The following RASSF6 variants were observed in gnomAD, a reference collection of about 807,000 sequenced individuals.
The protein encoded by RASSF6 is Ras association domain family member 6, also known as ras association domain-containing protein 6.
A neutral mutation model predicts 44.0 loss-of-function variants in RASSF6; 52 were observed. The ratio of observed to expected loss-of-function variants is 1.18; its 90% CI spans 0.95 to 1.49. RASSF6 has a LOEUF of 1.49. Ranked by LOEUF, RASSF6 falls within the 40% of genes most tolerant of loss-of-function variation. The pLI, the probability that RASSF6 is intolerant of heterozygous loss-of-function variation, is 0.00. For synonymous variants in RASSF6, 162 were observed against 124.6 expected, an observed-to-expected ratio of 1.30 and a Z score of -2.00; for missense variants, 464 against 393.3, an observed-to-expected ratio of 1.18 and a Z score of -1.52.
intron 2 of RASSF6, among the ~76,000 whole-genome samples, chr4:73,600,253 T>C (rs561855929): frequency 2.0e-5 from 3 of 152,194 alleles, no homozygotes; most frequent in Admixed American, 2.0e-4. Flanking sequence ...TTGTTCACAC[T>C]GTATCCTGTG....
chr4:73,618,550 T>C (rs1436776488), intron 1 of RASSF6, among the ~76,000 whole-genome samples: 3 of 152,174 alleles, frequency 2.0e-5, no homozygotes, highest in African/African-American at 4.8e-5. Flanking sequence ...CTTTAATGAA[T>C]ATTGGAACCC....
intron 1 of RASSF6, 69 bp downstream of exon 1, chr4:73,620,219 A>C: frequency 9.6e-7 from 1 of 1,042,980 alleles, no homozygotes; most frequent in African/African-American, 1.7e-5. Context: ...TCTGCTTTCT[A>C]ATAACTTGCC....
chr4:73,581,863 T>G lies in RASSF6; in HGVS notation c.675A>C (p.Glu225Asp). 1 of 1,610,144 alleles carries G rather than the reference T, an allele frequency of 6.2e-7. No individual in the cohort carries two copies. Among genetic ancestry groups the G allele is most frequent in the Non-Finnish European group, 8.5e-7 (1 of 1,176,892 alleles). The change falls in exon 8 of 11, where the codon GAA (glutamate) becomes GAC (aspartate). Residue 225 changes from glutamate to aspartate, a missense_variant. Physicochemically the swap from Glu to Asp is conservative, Grantham distance 45. Coordinates refer to ENST00000307439, the MANE Select transcript of RASSF6 (RefSeq NM_177532.5). The part of the protein sequence containing the change: ...IKQLLQKFKI[E>D]NSPQDFALHI... ...GAAGAGCAAAATCCTGGGGACTATTTTCAATCTGTCAAGGGAAAAAATGAA... is the reference window on the plus strand; with the variant it reads ...GAAGAGCAAAATCCTGGGGACTATTGTCAATCTGTCAAGGGAAAAAATGAA...
chr4:73,618,377 T>C (rs1246425475), intron 1 of RASSF6, among the ~76,000 whole-genome samples: 1 of 151,654 alleles, frequency 6.6e-6, no homozygotes, highest in African/African-American at 2.4e-5. Context: ...TAGATTAATC[T>C]CAAATCAATT....
intron 3 of RASSF6, among the ~76,000 whole-genome samples, chr4:73,597,773 A>G (rs757715001): frequency 4.6e-5 from 7 of 152,222 alleles, no homozygotes; most frequent in Non-Finnish European, 1.0e-4. Context: ...CATGTACACC[A>G]TGGAATACTA....
At chr4:73,581,184 G>A (rs1156663117) in intron 8 of RASSF6, among the ~76,000 whole-genome samples, 1 of 152,060 alleles carries the variant, frequency 6.6e-6, no homozygotes, top group Admixed American at 6.6e-5. Flanking sequence ...TATAGCATGA[G>A]TTTTTTCTAC....
rs1462902406 is a variant in RASSF6, at chr4:73,585,367, G to A, written c.383-3C>T. 2 of 1,569,358 alleles carry A rather than the reference G, an allele frequency of 1.3e-6. No individual in the cohort carries two copies. The highest frequency in any genetic ancestry group is 8.6e-7 in the Non-Finnish European group (1 of 1,160,330). On this transcript the variant is annotated splice_region_variant and splice_polypyrimidine_tract_variant and intron_variant, in intron 5 of 10. Coordinates refer to ENST00000307439, the MANE Select transcript of RASSF6 (RefSeq NM_177532.5). ...GTTGCTGTGATAAGATAAATAGTCT[G>A]GGAAGAATAGATTATAAGCTCATAT...
rs1410013949 is a variant in RASSF6 at position 73,575,497 on chromosome 4, T to C, written c.*738A>G. The C allele has an allele frequency of 6.6e-6, 1 of 152,176 alleles. No individual in the cohort carries two copies. The highest frequency in any genetic ancestry group is 1.5e-5 in the Non-Finnish European group (1 of 68,020). The allele number at this position is 152,176 out of a possible 1,614,324, so 9.4% of individuals were successfully genotyped here. A position where few individuals can be genotyped will look rare whatever the true frequency, so the allele number is the denominator to read the frequency against. ...TACTTTAGCCGATGTAATATGTCTA[T>C]GTGATATAAACATTTTTTTGAAAAA... On this transcript the variant is annotated 3_prime_UTR_variant, in exon 11 of 11. Coordinates refer to ENST00000307439, the MANE Select transcript of RASSF6 (RefSeq NM_177532.5).
At chr4:73,614,000 G>A (rs922663388) in intron 1 of RASSF6, among the ~76,000 whole-genome samples, 6 of 152,246 alleles carry the variant, frequency 3.9e-5, no homozygotes, top group Non-Finnish European at 8.8e-5. Flanking sequence ...CAGGCATCTC[G>A]ATATCTACAT....
intron 2 of RASSF6, among the ~76,000 whole-genome samples, chr4:73,604,884 C>CTTTTTTTTTTTT (rs35609056): frequency 1.4e-5 from 2 of 138,328 alleles, no homozygotes; most frequent in African/African-American, 2.7e-5. Context: ...CATTTTCTTT[C>CTTTTTTTTTTTT]TTTTTTTTTT....
chr4:73,616,071 C>G (rs138839031), intron 1 of RASSF6: 2 of 744,698 alleles, frequency 2.7e-6, no homozygotes, highest in East Asian at 2.8e-5. Context: ...AAATATTTCA[C>G]GAGTTCCTTC....
intron 6 of RASSF6, among the ~76,000 whole-genome samples, chr4:73,583,161 C>T (rs1229813248): frequency 6.6e-6 from 1 of 151,942 alleles, no homozygotes; most frequent in African/African-American, 2.4e-5. Flanking sequence ...ATTTTAGTGC[C>T]CACTAAATGC....
At chr4:73,595,554 G>A (rs1392967691) in intron 3 of RASSF6, among the ~76,000 whole-genome samples, 2 of 152,092 alleles carry the variant, frequency 1.3e-5, no homozygotes, top group Non-Finnish European at 2.9e-5. Flanking sequence ...GAAAGAATAT[G>A]CCTCAACTTA....
At chr4:73,578,816 T>C (rs754825175) in intron 8 of RASSF6, among the ~76,000 whole-genome samples, 2 of 152,134 alleles carry the variant, frequency 1.3e-5, no homozygotes, top group Non-Finnish European at 2.9e-5. Flanking sequence ...TTCACCATAG[T>C]GGTCAGGCTG....
chr4:73,595,927 G>A (rs557009905), intron 3 of RASSF6, among the ~76,000 whole-genome samples: 5 of 152,190 alleles, frequency 3.3e-5, no homozygotes, highest in South Asian at 4.2e-4. Context: ...AATCATGGTC[G>A]CCTAAAGTCC....
intron 6 of RASSF6, among the ~76,000 whole-genome samples, chr4:73,583,973 T>C (rs1723876121): frequency 6.6e-6 from 1 of 152,096 alleles, no homozygotes; most frequent in African/African-American, 2.4e-5. Flanking sequence ...TGAAAGCCAC[T>C]TGCTTGGAGC....
In RASSF6 at chr4:73,581,802, A is replaced by G. The variant is rs371756784; in HGVS notation, c.721+15T>C. On this transcript the variant is annotated intron_variant, in intron 8 of 10. Coordinates refer to ENST00000307439, the MANE Select transcript of RASSF6 (RefSeq NM_177532.5). ...ACTCTAGAGTCAGGTAAAAAGTGTG[A>G]TCAAGCTTTCTTACCTCCTGTTGCA... The G allele has an allele frequency of 1.9e-6, 3 of 1,588,300 alleles. No homozygotes were observed. The highest frequency in any genetic ancestry group is 2.6e-6 in the Non-Finnish European group (3 of 1,157,164).
At chr4:73,586,502 C>G (rs1292361854) in intron 5 of RASSF6, among the ~76,000 whole-genome samples, 1 of 151,884 alleles carries the variant, frequency 6.6e-6, no homozygotes, top group Non-Finnish European at 1.5e-5. Context: ...TTCTGCCCCC[C>G]TTTCTGCTTG....
chr4:73,587,097 T>A (rs528063782), intron 5 of RASSF6, among the ~76,000 whole-genome samples: 2 of 152,074 alleles, frequency 1.3e-5, no homozygotes, highest in Non-Finnish European at 2.9e-5. Flanking sequence ...TTGAATCTTA[T>A]GTGTTTATGA....
Sources: gnomAD v4.1 joint callset for allele counts (sites outside exome capture counted in the v4.1 genomes callset) on GRCh38, gnomAD v4.1.1 for gene constraint, MANE v1.5 for transcripts, NCBI Gene and HGNC (gene_info 2026-07-23, HGNC 2026-07-21) for gene names.